Variants in SNTG1 observed in about 807,000 individuals in gnomAD.
SNTG1 encodes syntrophin gamma 1.
A neutral mutation model predicts 74.7 loss-of-function variants in SNTG1; 39 were observed. The ratio of observed to expected loss-of-function variants is 0.52; its 90% CI spans 0.40 to 0.68. The LOEUF is 0.68. Among genes scored for constraint, SNTG1 ranks in the 30% least tolerant of loss-of-function variants. The pLI is 0.00. For synonymous variants in SNTG1, 254 were observed against 217.1 expected, an observed-to-expected ratio of 1.17 and a Z score of -1.49; for missense variants, 685 against 609.5, an observed-to-expected ratio of 1.12 and a Z score of -1.30.
At chr8:50,642,842 C>A (rs1281503100) in intron 13 of SNTG1, among the ~76,000 whole-genome samples, 1 of 152,004 alleles carries the variant, frequency 6.6e-6, no homozygotes, top group Non-Finnish European at 1.5e-5. Flanking sequence ...TCTCATGCTT[C>A]CAAAGTAGAA....
intron 1 of SNTG1, among the ~76,000 whole-genome samples, chr8:50,152,561 T>G (rs1264541955): frequency 6.6e-6 from 1 of 152,234 alleles, no homozygotes; most frequent in African/African-American, 2.4e-5. Flanking sequence ...TTCCTTTCTA[T>G]GTTTAGTGCT....
intron 1 of SNTG1, among the ~76,000 whole-genome samples, chr8:50,012,694 C>T (rs760990937): frequency 5.9e-5 from 9 of 152,012 alleles, no homozygotes; most frequent in Non-Finnish European, 1.2e-4. Flanking sequence ...CATGGGGGAG[C>T]ACTTGGGTGA....
intron 1 of SNTG1, among the ~76,000 whole-genome samples, chr8:50,040,601 C>T (rs1204327196): frequency 6.6e-6 from 1 of 152,084 alleles, no homozygotes; most frequent in Non-Finnish European, 1.5e-5. Context: ...ACAAGCAATC[C>T]TATTTCTTCA....
chr8:50,155,536 TAA>T (rs1224340694), intron 1 of SNTG1, among the ~76,000 whole-genome samples: 9 of 152,028 alleles, frequency 5.9e-5, no homozygotes, highest in African/African-American at 2.2e-4. Context: ...CAGAATTAAA[TAA>T]GAGATAAAAT....
intron 1 of SNTG1, among the ~76,000 whole-genome samples, chr8:49,969,978 A>G (rs933206748): frequency 1.3e-5 from 2 of 151,968 alleles, no homozygotes; most frequent in African/African-American, 4.8e-5. Context: ...GAATCCTTAT[A>G]AAACAAGACT....
At chr8:50,129,060 T>C (rs954688988) in intron 1 of SNTG1, among the ~76,000 whole-genome samples, 1 of 152,074 alleles carries the variant, frequency 6.6e-6, no homozygotes, top group African/African-American at 2.4e-5. Context: ...GACAGACAAC[T>C]GTATTCTCTA....
At chr8:50,409,927 A>G (rs2092925953) in intron 4 of SNTG1, among the ~76,000 whole-genome samples, 1 of 152,198 alleles carries the variant, frequency 6.6e-6, no homozygotes, top group Non-Finnish European at 1.5e-5. Flanking sequence ...CTGTCAGATA[A>G]ATAGCATCAA....
At chr8:50,327,235 G>A (rs1337303294) in intron 2 of SNTG1, among the ~76,000 whole-genome samples, 2 of 152,088 alleles carry the variant, frequency 1.3e-5, no homozygotes, top group African/African-American at 4.8e-5. Flanking sequence ...TATGTTTCCT[G>A]GGTCTGTCCA....
chr8:50,702,521 C>G (rs1208756770), intron 15 of SNTG1, among the ~76,000 whole-genome samples: 1 of 152,078 alleles, frequency 6.6e-6, no homozygotes, highest in African/African-American at 2.4e-5. Context: ...AAACATTTGC[C>G]AAAGCAGAGA....
At chr8:50,464,827 T>C (rs751903664) in intron 8 of SNTG1, among the ~76,000 whole-genome samples, 15 of 152,006 alleles carry the variant, frequency 9.9e-5, no homozygotes, top group Non-Finnish European at 2.1e-4. Context: ...GTTAACATAG[T>C]ATCTGTTAAA....
chr8:50,130,922 G>C (rs1208123617), intron 1 of SNTG1, among the ~76,000 whole-genome samples: 1 of 152,022 alleles, frequency 6.6e-6, no homozygotes, highest in Non-Finnish European at 1.5e-5. Context: ...GTTCTGTTTA[G>C]AAAGATTACA....
chr8:50,238,717 G>GA (rs1050522504), intron 2 of SNTG1, among the ~76,000 whole-genome samples: 1 of 151,916 alleles, frequency 6.6e-6, no homozygotes. Context: ...CTACAGAACG[G>GA]AAAAAACATA....
At chr8:50,171,951 A>G (rs1204079901) in intron 1 of SNTG1, among the ~76,000 whole-genome samples, 1 of 152,168 alleles carries the variant, frequency 6.6e-6, no homozygotes, top group African/African-American at 2.4e-5. Flanking sequence ...TCAAAACTAC[A>G]GTTGAGTTCA....
chr8:50,402,171 A>T, intron 3 of SNTG1, 39 bp from the exon 4 acceptor site: 2 of 1,576,378 alleles, frequency 1.3e-6, no homozygotes, highest in Non-Finnish European at 1.7e-6. Context: ...TAAACTAAGT[A>T]TAATTTTTCC....
At chr8:50,143,959 A>G (rs1265456602) in intron 1 of SNTG1, among the ~76,000 whole-genome samples, 1 of 152,186 alleles carries the variant, frequency 6.6e-6, no homozygotes, top group African/African-American at 2.4e-5. Flanking sequence ...TAACAAGAAC[A>G]TGTCACCAGA....
chr8:50,227,616 C>CA (rs2085397379), intron 2 of SNTG1, among the ~76,000 whole-genome samples: 1 of 152,078 alleles, frequency 6.6e-6, no homozygotes, highest in African/African-American at 2.4e-5. Context: ...TGATTCTCCT[C>CA]TCTGACCCTT....
chr8:50,467,019 C>G lies in SNTG1; in HGVS notation c.363+16290C>G, dbSNP rs1203729717. 3.3e-5 allele frequency among the ~76,000 whole-genome samples: 5 copies of G among 151,716 alleles called. 1 individual carries two copies. Among genetic ancestry groups the G allele is most frequent in the Non-Finnish European group, 7.4e-5 (5 of 67,782 alleles). On this transcript the variant is annotated intron_variant, in intron 8 of 18. Coordinates refer to ENST00000642720, the MANE Select transcript of SNTG1 (RefSeq NM_018967.5). Reference sequence around the variant, plus strand: ...TCATACATGCTTAACTGGAATAAATCTCATTTGGTGTGATGTATAACTCTT... The same window carrying G: ...TCATACATGCTTAACTGGAATAAATGTCATTTGGTGTGATGTATAACTCTT...
In SNTG1 at chr8:50,660,286, GAAGA is replaced by G. The variant is rs879420170; in HGVS notation, c.1038+1632_1038+1635del. ...GGAGAGAGAGAGAGAAAGAAGGAAA[GAAGA>G]AAGAAAGAGAAAGAAAGAGAGACAG... On this transcript the variant is annotated intron_variant, in intron 15 of 18. Transcript: ENST00000642720. 2.1e-3 allele frequency among the ~76,000 whole-genome samples: 300 copies of G among 145,140 alleles called. 2 individuals carry two copies. The highest frequency in any genetic ancestry group is 6.9e-3 in the African/African-American group (267 of 38,662).
chr8:50,623,494 A>T (rs550319641), intron 13 of SNTG1, among the ~76,000 whole-genome samples: 3 of 152,124 alleles, frequency 2.0e-5, no homozygotes, highest in Non-Finnish European at 4.4e-5. Flanking sequence ...AAGTTCTAGA[A>T]TAGGAAGAAC....
Sources: allele counts gnomAD v4.1 joint callset (sites outside exome capture counted in the v4.1 genomes callset), GRCh38; gene constraint gnomAD v4.1.1; transcripts MANE v1.5; gene names NCBI Gene and HGNC (gene_info 2026-07-23, HGNC 2026-07-21).